The following DNER variants were observed in gnomAD, a reference collection of about 807,000 sequenced individuals.
The protein encoded by DNER is delta/notch like EGF repeat containing.
A neutral mutation model predicts 78.2 loss-of-function variants in DNER; 33 were observed. That is an observed-to-expected ratio of 0.42 (90% confidence interval 0.32 to 0.56). The LOEUF (loss-of-function observed/expected upper bound fraction) is 0.56. Ranked by LOEUF, DNER falls within the 20% of genes least tolerant of loss-of-function variation. The pLI, the probability that DNER is intolerant of heterozygous loss-of-function variation, is 0.11. For synonymous variants in DNER, 417 were observed against 384.8 expected, an observed-to-expected ratio of 1.08 and a Z score of -0.98; for missense variants, 918 against 975.3, an observed-to-expected ratio of 0.94 and a Z score of 0.78.
rs560088387 is a variant in DNER at position 229,604,312 on chromosome 2, G to A, written c.277-12424C>T. Among the ~76,000 whole-genome samples the A allele has an allele frequency of 3.3e-5, 5 of 152,324 alleles. No homozygotes were observed. The South Asian group carries it at 1.0e-3, about 32-fold the overall frequency. ...AATGACACCAATGTGGGGTAGCAGG[G>A]AGTTGGAAAACCAGGCACATAGTAG... On this transcript the variant is annotated intron_variant, in intron 1 of 12. Coordinates refer to ENST00000341772, the MANE Select transcript of DNER (RefSeq NM_139072.4).
intron 12 of DNER, among the ~76,000 whole-genome samples, chr2:229,363,721 A>C (rs1692268765): frequency 6.6e-6 from 1 of 152,186 alleles, no homozygotes; most frequent in Non-Finnish European, 1.5e-5. Context: ...TATTCAGTTA[A>C]ATATCTTCCC....
intron 7 of DNER, among the ~76,000 whole-genome samples, chr2:229,466,795 A>G (rs1694816201): frequency 6.6e-6 from 1 of 152,226 alleles, no homozygotes; most frequent in Non-Finnish European, 1.5e-5. Context: ...CATGTAGAGC[A>G]CACTGTTCAG....
intron 4 of DNER, among the ~76,000 whole-genome samples, chr2:229,567,583 T>C (rs1050243842): frequency 1.3e-5 from 2 of 152,202 alleles, no homozygotes; most frequent in South Asian, 2.1e-4. Flanking sequence ...GCCCTGACCA[T>C]GGAGCAAAGT....
intron 1 of DNER, among the ~76,000 whole-genome samples, chr2:229,689,858 T>C (rs1699539111): frequency 6.6e-6 from 1 of 152,212 alleles, no homozygotes; most frequent in Admixed American, 6.5e-5. Flanking sequence ...TGAGCTATTA[T>C]AGAGTCTGAC....
At chr2:229,623,236 C>A (rs1441528863) in intron 1 of DNER, among the ~76,000 whole-genome samples, 2 of 152,162 alleles carry the variant, frequency 1.3e-5, no homozygotes, top group East Asian at 3.9e-4. Flanking sequence ...TCTCTCCTTA[C>A]CTAAGCCCGG....
chr2:229,587,658 A>C (rs536023736), intron 3 of DNER, among the ~76,000 whole-genome samples: 10 of 152,322 alleles, frequency 6.6e-5, no homozygotes, highest in African/African-American at 2.4e-4. Context: ...GGTTGCATGG[A>C]AAGTGTGGGG....
intron 4 of DNER, among the ~76,000 whole-genome samples, chr2:229,558,393 A>G (rs2154213539): frequency 1.3e-5 from 2 of 152,336 alleles, no homozygotes; most frequent in Middle Eastern, 6.8e-3. Context: ...AAGTTTTAAA[A>G]AAGAGAAAAT....
At chr2:229,571,730 G>C (rs1176175822) in intron 4 of DNER, among the ~76,000 whole-genome samples, 1 of 152,028 alleles carries the variant, frequency 6.6e-6, no homozygotes, top group Non-Finnish European at 1.5e-5. Flanking sequence ...CCATTGATGA[G>C]ACCTCCCCCC....
intron 1 of DNER, among the ~76,000 whole-genome samples, chr2:229,670,594 G>C (rs998794233): frequency 6.6e-6 from 1 of 152,218 alleles, no homozygotes; most frequent in Non-Finnish European, 1.5e-5. Flanking sequence ...AAATAAACAG[G>C]AGGCAACACT....
chr2:229,452,692 G>A (rs1422312886), intron 7 of DNER, among the ~76,000 whole-genome samples: 1 of 152,148 alleles, frequency 6.6e-6, no homozygotes, highest in Non-Finnish European at 1.5e-5. Context: ...GCAGTGGCAT[G>A]ATCTCGGCTC....
intron 1 of DNER, among the ~76,000 whole-genome samples, chr2:229,618,033 G>C (rs1698195473): frequency 6.6e-6 from 1 of 152,198 alleles, no homozygotes; most frequent in Admixed American, 6.5e-5. Flanking sequence ...GGCTTTTGTT[G>C]CTACATCCAT....
chr2:229,689,120 A>T (rs1447767154), intron 1 of DNER, among the ~76,000 whole-genome samples: 1 of 152,222 alleles, frequency 6.6e-6, no homozygotes, highest in East Asian at 1.9e-4. Context: ...AAACCTGCAC[A>T]CTGCACATGT....
At chr2:229,671,470 A>G (rs1354790651) in intron 1 of DNER, among the ~76,000 whole-genome samples, 5 of 152,164 alleles carry the variant, frequency 3.3e-5, no homozygotes, top group Non-Finnish European at 4.4e-5. Flanking sequence ...TCCGCACAGC[A>G]CTTCTCACTA....
rs561884564 is a variant in DNER at position 229,473,101 on chromosome 2, A to G, written c.1261+4039T>C. Reference sequence around the variant, plus strand: ...ACAAAATGGAGATGAAAAGGGGGGAAAAGAGAAAGGATGCGGATGTGTGCT... The same window carrying G: ...ACAAAATGGAGATGAAAAGGGGGGAGAAGAGAAAGGATGCGGATGTGTGCT... On this transcript the variant is annotated intron_variant, in intron 7 of 12. Transcript: ENST00000341772. Among the ~76,000 whole-genome samples the G allele has an allele frequency of 5.3e-5, 8 of 152,328 alleles. 1 individual carries two copies. In the South Asian group the frequency reaches 1.7e-3, roughly 32 times the overall value.
At chr2:229,506,941 C>T (rs1041325859) in intron 6 of DNER, among the ~76,000 whole-genome samples, 6 of 152,136 alleles carry the variant, frequency 3.9e-5, no homozygotes, top group African/African-American at 1.4e-4. Context: ...CGTCATTATG[C>T]TAATGTCATG....
At chr2:229,646,207 C>T (rs1239920071) in intron 1 of DNER, among the ~76,000 whole-genome samples, 1 of 152,144 alleles carries the variant, frequency 6.6e-6, no homozygotes, top group Non-Finnish European at 1.5e-5. Flanking sequence ...TTTTCCACTT[C>T]TAATTTTAAG....
At chr2:229,678,262 C>T (rs79361398) in intron 1 of DNER, among the ~76,000 whole-genome samples, 1,993 of 152,214 alleles carry the variant, frequency 0.013, 55 homozygotes, top group African/African-American at 0.045. Context: ...CAACAGCTTT[C>T]CCAGTCGCTT....
chr2:229,389,724 A>G (rs527374090), intron 10 of DNER, among the ~76,000 whole-genome samples: 1 of 152,364 alleles, frequency 6.6e-6, no homozygotes, highest in Non-Finnish European at 1.5e-5. Context: ...TTAGAGGAGG[A>G]ATCTCACACT....
At chr2:229,471,902 C>T (rs2154211169) in intron 7 of DNER, among the ~76,000 whole-genome samples, 1 of 152,290 alleles carries the variant, frequency 6.6e-6, no homozygotes, top group South Asian at 2.1e-4. Context: ...CATGCATAAA[C>T]CACTCCACTC....
Sources: gnomAD v4.1 joint callset for allele counts (sites outside exome capture counted in the v4.1 genomes callset) on GRCh38, gnomAD v4.1.1 for gene constraint, MANE v1.5 for transcripts, NCBI Gene and HGNC (gene_info 2026-07-23, HGNC 2026-07-21) for gene names.